Variants in RNF212 observed in about 807,000 individuals in gnomAD.
The protein encoded by RNF212 is ring finger protein 212.
Under a neutral mutation model 34.7 loss-of-function variants are expected in RNF212, and 33 were observed. That is an observed-to-expected ratio of 0.95 (90% CI 0.72 to 1.27). The LOEUF (loss-of-function observed/expected upper bound fraction) is 1.27, where lower values mean the gene tolerates loss of function less well. Ranked by LOEUF, RNF212 falls within the 50% of genes most tolerant of loss-of-function variation. RNF212 has a pLI of 0.00. For synonymous variants in RNF212, 140 were observed against 136.1 expected, an observed-to-expected ratio of 1.03 and a Z score of -0.20; for missense variants, 377 against 362.2, an observed-to-expected ratio of 1.04 and a Z score of -0.33.
intron 3 of RNF212, among the ~76,000 whole-genome samples, chr4:1,062,427 A>G (rs771637487): frequency 3.9e-5 from 6 of 152,198 alleles, no homozygotes; most frequent in Non-Finnish European, 8.8e-5. Context: ...ATCATCTCAA[A>G]AGAGAAAGAG....
chr4:1,112,951 C>G (rs563353957), intron 1 of RNF212, among the ~76,000 whole-genome samples: 1 of 39,954 alleles, frequency 2.5e-5, no homozygotes, highest in Non-Finnish European at 5.3e-5. Flanking sequence ...TCCCCCGCTC[C>G]CTCCCCACCG....
intron 3 of RNF212, among the ~76,000 whole-genome samples, chr4:1,095,893 C>T (rs531935415): frequency 2.6e-5 from 2 of 77,598 alleles, no homozygotes; most frequent in Non-Finnish European, 4.6e-5. Flanking sequence ...CTCAGCATAG[C>T]GCACCTGGCT....
chr4:1,073,006 T>C lies in RNF212; in HGVS notation c.762A>G (p.Pro254=). The change falls in exon 10 of 10, where the codon CCA becomes CCG. Residue 254 remains proline, a synonymous_variant. Transcript: ENST00000433731. The stretch of plus-strand genomic sequence containing the variant: ...CGGCCCTTTGTACCTCAGCATATAT[T>C]GGAAGTGTTTTAGAGTTGGTGAGTT... ...HGELTNSKTL[P]IYAEVQRAVL... 6.2e-7 allele frequency: 1 copy of C among 1,614,150 alleles called. No homozygotes were observed. Among genetic ancestry groups the C allele is most frequent in the Non-Finnish European group, 8.5e-7 (1 of 1,180,018 alleles).
intron 4 of RNF212, among the ~76,000 whole-genome samples, chr4:1,088,743 TG>T (rs1721729580): frequency 6.6e-6 from 1 of 152,214 alleles, no homozygotes; most frequent in Non-Finnish European, 1.5e-5. Flanking sequence ...CCTCAGGACA[TG>T]GTGCCCTGCA....
chr4:1,072,740 G>A lies in RNF212; in HGVS notation c.*134C>T. The A allele has an allele frequency of 7.0e-7, 1 of 1,424,774 alleles. No homozygotes were observed. 88.3% of individuals were successfully genotyped at this position (1,424,774 alleles called of 1,614,324 possible). A position where few individuals can be genotyped will look rare whatever the true frequency, so the allele number is the denominator to read the frequency against. ...AAATATAAAATTACAAAGCAAATTG[G>A]GTAAAAGGTTAATATCCTGCACACT... On this transcript the variant is annotated 3_prime_UTR_variant, in exon 10 of 10. Coordinates refer to ENST00000433731, the MANE Select transcript of RNF212 (RefSeq NM_001131034.4).
chr4:1,066,041 GC>G (rs1718072522), intron 3 of RNF212, among the ~76,000 whole-genome samples: 1 of 145,646 alleles, frequency 6.9e-6, no homozygotes, highest in African/African-American at 2.6e-5. Context: ...ATATATAGTA[GC>G]CATCCTAATG....
At chr4:1,102,541 G>A (rs1724147709) in intron 2 of RNF212, among the ~76,000 whole-genome samples, 1 of 151,176 alleles carries the variant, frequency 6.6e-6, no homozygotes, top group Non-Finnish European at 1.5e-5. Context: ...CTAACAGGGT[G>A]AAACACTGTC....
chr4:1,110,237 G>T (rs1224406406), intron 1 of RNF212, among the ~76,000 whole-genome samples: 3 of 152,102 alleles, frequency 2.0e-5, no homozygotes. Flanking sequence ...TCAATAAAAG[G>T]CTATGAGGAG....
chr4:1,078,370 T>G (rs1485058070), intron 8 of RNF212, among the ~76,000 whole-genome samples: 1 of 152,138 alleles, frequency 6.6e-6, no homozygotes, highest in Non-Finnish European at 1.5e-5. Context: ...GCCTCCTCTC[T>G]CCCGTTTCCG....
At chr4:1,070,594 T>C (rs1288784492), downstream of RNF212, among the ~76,000 whole-genome samples, 29 of 136,190 alleles carry the variant, frequency 2.1e-4, no homozygotes, top group Middle Eastern at 4.9e-3. Context: ...TCAGCGTGGA[T>C]GCCTGGCCTG....
intron 8 of RNF212, among the ~76,000 whole-genome samples, chr4:1,074,133 G>A (rs1047767524): frequency 1.3e-5 from 2 of 152,212 alleles, no homozygotes; most frequent in Non-Finnish European, 1.5e-5. Context: ...CAGCAACCAC[G>A]AGGCCGCTTC....
chr4:1,068,300 T>A (rs145441558), downstream of RNF212, among the ~76,000 whole-genome samples: 122 of 152,384 alleles, frequency 8.0e-4, 1 homozygote, highest in African/African-American at 2.7e-3. Flanking sequence ...AAGCCCTCAC[T>A]GGCCGTTCTG....
intron 1 of RNF212, among the ~76,000 whole-genome samples, chr4:1,112,921 A>T (rs911663115): frequency 5.3e-5 from 1 of 18,748 alleles, no homozygotes; most frequent in Admixed American, 5.6e-4. Context: ...CTCTTTCCCC[A>T]CCCTCCCGCA....
intron 3 of RNF212, among the ~76,000 whole-genome samples, chr4:1,061,640 A>G (rs1415694483): frequency 6.6e-6 from 1 of 152,312 alleles, no homozygotes; most frequent in African/African-American, 2.4e-5. Flanking sequence ...ACAACCACAG[A>G]CAGAGCAGCG....
downstream of RNF212, among the ~76,000 whole-genome samples, chr4:1,067,382 G>A (rs1043908072): frequency 5.3e-5 from 8 of 151,978 alleles, no homozygotes; most frequent in African/African-American, 1.9e-4. Context: ...AAATATCAAT[G>A]GACTATCAAA....
intron 1 of RNF212, among the ~76,000 whole-genome samples, chr4:1,111,390 C>T (rs985461345): frequency 6.6e-6 from 1 of 152,146 alleles, no homozygotes; most frequent in Non-Finnish European, 1.5e-5. Context: ...TCTTGTCTTC[C>T]CCTGGATGGC....
chr4:1,085,109 C>T (rs1475459110), intron 5 of RNF212, among the ~76,000 whole-genome samples: 1 of 152,240 alleles, frequency 6.6e-6, no homozygotes, highest in African/African-American at 2.4e-5. Context: ...CCTGACTCCT[C>T]GACCTCCATG....
At chr4:1,081,884 C>T (rs985248545) in intron 5 of RNF212, 3 of 463,998 alleles carry the variant, frequency 6.5e-6, no homozygotes, top group Non-Finnish European at 1.2e-5. Flanking sequence ...TCACTCAGCA[C>T]ATGGCCACTG....
intron 2 of RNF212, among the ~76,000 whole-genome samples, chr4:1,106,173 G>T (rs1350828026): frequency 1.3e-5 from 2 of 152,010 alleles, no homozygotes; most frequent in African/African-American, 4.8e-5. Flanking sequence ...CACTGCGGAA[G>T]AAAGAGCCCA....
Sources: gnomAD v4.1 joint callset for allele counts (sites outside exome capture counted in the v4.1 genomes callset) on GRCh38, gnomAD v4.1.1 for gene constraint, MANE v1.5 for transcripts, NCBI Gene and HGNC (gene_info 2026-07-23, HGNC 2026-07-21) for gene names.